Variants in NDST4 observed in about 807,000 individuals in gnomAD.
The protein encoded by NDST4 is N-heparan sulfate sulfotransferase 4.
In NDST4, 63 loss-of-function variants were observed where a neutral mutation model predicts 100.8. The ratio of observed to expected loss-of-function variants is 0.62; its 90% confidence interval spans 0.51 to 0.77. NDST4 has a LOEUF of 0.77. Ranked by LOEUF, NDST4 falls within the 30% of genes least tolerant of loss-of-function variation. NDST4 has a pLI of 0.00. For missense variants in NDST4, 943 were observed against 1,018.4 expected (o/e 0.93, Z 1.01); for synonymous variants, 377 against 361.8 (o/e 1.04, Z -0.48).
intron 2 of NDST4, among the ~76,000 whole-genome samples, chr4:115,001,586 A>T (rs1389349676): frequency 6.6e-6 from 1 of 151,938 alleles, no homozygotes; most frequent in Non-Finnish European, 1.5e-5. Flanking sequence ...GACTCCCTGT[A>T]TTAGGTAATT....
chr4:115,041,929 A>T (rs1191075248), intron 2 of NDST4, among the ~76,000 whole-genome samples: 2 of 152,084 alleles, frequency 1.3e-5, no homozygotes, highest in Non-Finnish European at 2.9e-5. Flanking sequence ...TCATGAATGA[A>T]TTTCAGTCAC....
intron 1 of NDST4, among the ~76,000 whole-genome samples, chr4:115,087,601 G>T (rs997303388): frequency 1.3e-5 from 2 of 151,584 alleles, no homozygotes; most frequent in African/African-American, 4.8e-5. Context: ...GCATTAATCT[G>T]CTAATCTATG....
Position 114,829,850 on chromosome 4 carries a change from T to C in NDST4, c.2439A>G (p.Gly813=). ...TTTTTCCAAGGCATTTTGTCTTTCC[T>C]CCTTCCAGTAATTGACACCAAAAAC... The part of the protein sequence containing the change: ...QKGFWCQLLE[G]GKTKCLGKSK... Residue 813 remains glycine (G), a synonymous_variant, in exon 13 of 14, where the codon GGA becomes GGG. Coordinates refer to ENST00000264363, the MANE Select transcript of NDST4 (RefSeq NM_022569.3). The C allele has an allele frequency of 2.5e-6, 4 of 1,612,262 alleles. No individual in the cohort carries two copies. The highest frequency in any genetic ancestry group is 3.4e-6 in the Non-Finnish European group (4 of 1,179,510).
chr4:115,108,996 A>T (rs1729886850), intron 1 of NDST4, among the ~76,000 whole-genome samples: 1 of 151,522 alleles, frequency 6.6e-6, no homozygotes, highest in Admixed American at 6.6e-5. Flanking sequence ...AGAGGAAGGT[A>T]GGAAAGCAAG....
At chr4:115,015,875 A>G (rs547560262) in intron 2 of NDST4, among the ~76,000 whole-genome samples, 1 of 152,100 alleles carries the variant, frequency 6.6e-6, no homozygotes, top group Admixed American at 6.6e-5. Flanking sequence ...ACCAACATTG[A>G]TTTCCTGATA....
At chr4:114,937,233 T>C in intron 5 of NDST4, 85 bp downstream of exon 5, 1 of 1,396,430 alleles carries the variant, frequency 7.2e-7, no homozygotes. Flanking sequence ...GGTTCGAGGT[T>C]ACATCCTTAG....
chr4:115,019,872 C>T (rs904881530), intron 2 of NDST4, among the ~76,000 whole-genome samples: 11 of 151,970 alleles, frequency 7.2e-5, no homozygotes, highest in Non-Finnish European at 1.0e-4. Context: ...CCTTCTGCTA[C>T]GGGATGATGC....
chr4:114,962,874 C>T (rs1168465796), intron 4 of NDST4, among the ~76,000 whole-genome samples: 4 of 151,924 alleles, frequency 2.6e-5, no homozygotes, highest in African/African-American at 9.7e-5. Flanking sequence ...AGAAAAGAAC[C>T]ACTTCACGCC....
At chr4:114,906,539 G>T (rs1724952301) in intron 6 of NDST4, among the ~76,000 whole-genome samples, 1 of 151,604 alleles carries the variant, frequency 6.6e-6, no homozygotes, top group African/African-American at 2.4e-5. Context: ...TAATTTCGCA[G>T]GCCTACCACC....
At chr4:115,014,008 C>G (rs966582168) in intron 2 of NDST4, among the ~76,000 whole-genome samples, 1 of 152,064 alleles carries the variant, frequency 6.6e-6, no homozygotes, top group Non-Finnish European at 1.5e-5. Context: ...GTGGATTACC[C>G]TAAGCCTACA....
intron 2 of NDST4, among the ~76,000 whole-genome samples, chr4:114,986,832 A>ATATATATATATATTT: frequency 8.5e-5 from 8 of 94,662 alleles, no homozygotes; most frequent in Non-Finnish European, 1.5e-4. Flanking sequence ...ATATATATAT[A>ATATATATATATATTT]TTTTAATATA....
Position 115,077,095 on chromosome 4 carries a change from G to C in NDST4, c.-59C>G, listed in dbSNP as rs1729205229. The stretch of plus-strand genomic sequence containing the variant: ...ATTTCGTTTCCTAAAGTGCCATAGT[G>C]AATAAAGTATGAGATGTTGCAAATA... On this transcript the variant is annotated 5_prime_UTR_variant, in exon 2 of 14. Coordinates refer to ENST00000264363, the MANE Select transcript of NDST4 (RefSeq NM_022569.3). The C allele has an allele frequency of 6.9e-7, 1 of 1,447,392 alleles. No homozygotes were observed. Among genetic ancestry groups the C allele is most frequent in the Non-Finnish European group, 9.3e-7 (1 of 1,077,604 alleles). The allele number at this position is 1,447,392 out of a possible 1,614,324, so 89.7% of individuals were successfully genotyped here.
chr4:115,080,746 G>A (rs1729285567), intron 1 of NDST4, among the ~76,000 whole-genome samples: 1 of 151,780 alleles, frequency 6.6e-6, no homozygotes, highest in East Asian at 1.9e-4. Flanking sequence ...ACTTGTCGAA[G>A]GAGATTATTA....
chr4:115,051,188 T>C (rs1386107519), intron 2 of NDST4, among the ~76,000 whole-genome samples: 4 of 152,128 alleles, frequency 2.6e-5, no homozygotes, highest in Non-Finnish European at 5.9e-5. Context: ...TATGATTTTA[T>C]TCAGTTTTTA....
rs1160059134 is a variant in NDST4 at position 115,076,156 on chromosome 4, T to C, written c.881A>G (p.Lys294Arg). ...CCTGTCCAAGGACAATGTCAGCCTC[T>C]TCCCTGACAAGAAGGAGATGGCATC... ...FIDAISFLSG[K>R]RLTLSLDRYI... Residue 294 changes from lysine to arginine, a missense_variant, in exon 2 of 14, where the codon AAG becomes AGG. Lys to Arg is a conservative substitution (Grantham distance 26). Around this residue, in one of 2 missense-constraint regions of NDST4, gnomAD observed 417 missense variants for 384.2 expected, o/e 1.09. Transcript: ENST00000264363. 5 of 1,613,878 alleles carry C rather than the reference T, an allele frequency of 3.1e-6. No individual in the cohort carries two copies. The highest frequency in any genetic ancestry group is 4.2e-6 in the Non-Finnish European group (5 of 1,179,958).
intron 2 of NDST4, among the ~76,000 whole-genome samples, chr4:115,023,433 C>T (rs188087448): frequency 6.8e-5 from 10 of 147,880 alleles, no homozygotes; most frequent in East Asian, 2.0e-4. Context: ...TGCAGTGAGC[C>T]GAGATCGTGC....
At chr4:114,968,550 A>T (rs1393317035) in intron 4 of NDST4, among the ~76,000 whole-genome samples, 1 of 152,182 alleles carries the variant, frequency 6.6e-6, no homozygotes, top group East Asian at 1.9e-4. Flanking sequence ...GGACCATAGG[A>T]TCTCTTTCAC....
chr4:115,051,578 T>G (rs916906732), intron 2 of NDST4, among the ~76,000 whole-genome samples: 1 of 152,148 alleles, frequency 6.6e-6, no homozygotes, highest in African/African-American at 2.4e-5. Flanking sequence ...TCCATGTGGC[T>G]GCAAATGGGA....
intron 2 of NDST4, among the ~76,000 whole-genome samples, chr4:114,992,808 A>G (rs370014937): frequency 2.0e-5 from 3 of 151,752 alleles, no homozygotes; most frequent in East Asian, 3.9e-4. Flanking sequence ...CAGTCTCTAA[A>G]TCTCTGATCT....
Sources: gnomAD v4.1 joint callset for allele counts (sites outside exome capture counted in the v4.1 genomes callset) on GRCh38, gnomAD v4.1.1 for gene constraint, gnomAD v4.1.1 regional missense constraint, MANE v1.5 for transcripts, NCBI Gene and HGNC (gene_info 2026-07-23, HGNC 2026-07-21) for gene names.